GRID2: variants seen among roughly 807,000 people sequenced by gnomAD.
GRID2 encodes the protein glutamate ionotropic receptor delta type subunit 2, also known as glutamate receptor ionotropic, delta-2.
Under a neutral mutation model 114.8 loss-of-function variants are expected in GRID2, and 33 were observed. The ratio of observed to expected loss-of-function variants is 0.29; its 90% CI spans 0.22 to 0.38. The LOEUF (loss-of-function observed/expected upper bound fraction) is 0.38, where lower values mean the gene tolerates loss of function less well. GRID2 is among the 10% of genes least tolerant of loss of function. The pLI is 1.00. For synonymous variants in GRID2, 505 were observed against 449.9 expected, an observed-to-expected ratio of 1.12 and a Z score of -1.55; for missense variants, 1,184 against 1,257.7, an observed-to-expected ratio of 0.94 and a Z score of 0.89.
At chr4:92,445,677 G>A (rs966225228) in intron 1 of GRID2, among the ~76,000 whole-genome samples, 2 of 152,150 alleles carry the variant, frequency 1.3e-5, no homozygotes, top group African/African-American at 4.8e-5. Context: ...ATGGGAAGAG[G>A]TCTAAGGGAT....
At chr4:92,471,072 G>A (rs1722009725) in intron 1 of GRID2, among the ~76,000 whole-genome samples, 2 of 151,938 alleles carry the variant, frequency 1.3e-5, no homozygotes, top group South Asian at 4.1e-4. Context: ...CAATTCCAAG[G>A]AAATACATTT....
chr4:93,008,538 G>T (rs547519205), intron 2 of GRID2, among the ~76,000 whole-genome samples: 3 of 151,964 alleles, frequency 2.0e-5, no homozygotes, highest in Admixed American at 6.6e-5. Flanking sequence ...CCTGCAAGTT[G>T]TGTCTGTTTG....
intron 13 of GRID2, among the ~76,000 whole-genome samples, chr4:93,613,975 G>C (rs1429712912): frequency 1.3e-5 from 2 of 151,940 alleles, no homozygotes; most frequent in Non-Finnish European, 2.9e-5. Context: ...TTCCGTGGGC[G>C]TAGGACCCTC....
At chr4:93,407,338 A>G (rs1208661613) in intron 9 of GRID2, among the ~76,000 whole-genome samples, 1 of 152,066 alleles carries the variant, frequency 6.6e-6, no homozygotes, top group Non-Finnish European at 1.5e-5. Context: ...GGGAGGTGGG[A>G]AGATAATCAA....
rs571925247 is a variant in GRID2 at position 93,589,148 on chromosome 4, G to T, written c.2194-37121G>T. Among the ~76,000 whole-genome samples, 313 of 151,450 alleles carry T rather than the reference G, an allele frequency of 2.1e-3. 1 individual carries two copies. Among genetic ancestry groups the T allele is most frequent in the African/African-American group, 7.1e-3 (294 of 41,208 alleles). ...CGTGTGCCATGCTGGTGTGCTGCACGCACTAACTCGTCATCTAGCATTAGG... is the reference window on the plus strand; with the variant it reads ...CGTGTGCCATGCTGGTGTGCTGCACTCACTAACTCGTCATCTAGCATTAGG... On this transcript the variant is annotated intron_variant, in intron 13 of 15. Coordinates refer to ENST00000282020, the MANE Select transcript of GRID2 (RefSeq NM_001510.4).
chr4:92,609,012 A>C (rs529523442), intron 2 of GRID2, among the ~76,000 whole-genome samples: 12 of 151,872 alleles, frequency 7.9e-5, no homozygotes, highest in Non-Finnish European at 1.6e-4. Flanking sequence ...AATAACATTA[A>C]TATAGATGTA....
intron 2 of GRID2, among the ~76,000 whole-genome samples, chr4:92,911,827 A>G (rs1748406154): frequency 6.6e-6 from 1 of 151,458 alleles, no homozygotes; most frequent in Non-Finnish European, 1.5e-5. Context: ...ATGTGAATTT[A>G]GGATAAAAAC....
Position 93,316,218 on chromosome 4 carries a change from A to C in GRID2, c.1245+77728A>C, listed in dbSNP as rs548633083. ...CCCTTTTTACAGTTGTAGTAGGTCC[A>C]GCCTGGCTTGTTGCATTTCAACAAG... On this transcript the variant is annotated intron_variant, in intron 8 of 15. Transcript: ENST00000282020. 2.4e-4 allele frequency among the ~76,000 whole-genome samples: 36 copies of C among 151,798 alleles called. No homozygotes were observed. In the South Asian group the frequency reaches 3.8e-3, roughly 16 times the overall value.
chr4:92,981,724 C>T (rs577273491), intron 2 of GRID2, among the ~76,000 whole-genome samples: 1 of 151,912 alleles, frequency 6.6e-6, no homozygotes, highest in Non-Finnish European at 1.5e-5. Flanking sequence ...TCTGGAGAGA[C>T]ATGGTCTTAA....
intron 8 of GRID2, among the ~76,000 whole-genome samples, chr4:93,261,154 A>T (rs1255179610): frequency 5.4e-5 from 8 of 148,198 alleles, no homozygotes; most frequent in Non-Finnish European, 1.2e-4. Context: ...GACACATGTT[A>T]AAAAAAAACA....
At chr4:92,917,195 G>T (rs1270219807) in intron 2 of GRID2, among the ~76,000 whole-genome samples, 4 of 151,866 alleles carry the variant, frequency 2.6e-5, no homozygotes, top group Non-Finnish European at 5.9e-5. Context: ...TCGCCCACGT[G>T]GTGATGGGGT....
chr4:93,100,747 G>T (rs1364542935), intron 3 of GRID2, among the ~76,000 whole-genome samples: 1 of 151,202 alleles, frequency 6.6e-6, no homozygotes, highest in East Asian at 2.0e-4. Flanking sequence ...AAGATTAAAT[G>T]TGCCTAATCT....
intron 1 of GRID2, among the ~76,000 whole-genome samples, chr4:92,321,412 G>C (rs1726309583): frequency 6.6e-6 from 1 of 152,178 alleles, no homozygotes; most frequent in Non-Finnish European, 1.5e-5. Context: ...GGATAGAGTG[G>C]ATCCACGTAA....
At chr4:93,166,678 G>C (rs1013597660) in intron 4 of GRID2, among the ~76,000 whole-genome samples, 2 of 152,096 alleles carry the variant, frequency 1.3e-5, no homozygotes, top group Non-Finnish European at 2.9e-5. Flanking sequence ...ATAATGCAGG[G>C]ATATAATCTC....
chr4:93,035,192 G>T (rs1192061521), intron 2 of GRID2, among the ~76,000 whole-genome samples: 1 of 148,140 alleles, frequency 6.8e-6, no homozygotes, highest in Non-Finnish European at 1.5e-5. Flanking sequence ...TGCAACCTCC[G>T]CCTCCTGGGT....
At chr4:92,877,632 T>C (rs1745729669) in intron 2 of GRID2, among the ~76,000 whole-genome samples, 1 of 152,192 alleles carries the variant, frequency 6.6e-6, no homozygotes, top group African/African-American at 2.4e-5. Context: ...ACAGTCAGCA[T>C]AACCAGGCTA....
At chr4:92,953,942 A>G (rs1200145028) in intron 2 of GRID2, among the ~76,000 whole-genome samples, 2 of 152,106 alleles carry the variant, frequency 1.3e-5, no homozygotes, top group East Asian at 3.9e-4. Flanking sequence ...TTAGAATTTT[A>G]TAAAGTCTGT....
intron 2 of GRID2, among the ~76,000 whole-genome samples, chr4:92,867,984 G>A (rs983962727): frequency 4.4e-4 from 67 of 151,868 alleles, no homozygotes; most frequent in African/African-American, 1.6e-3. Flanking sequence ...AAGAGATTTT[G>A]GTGTAGGTGA....
intron 1 of GRID2, among the ~76,000 whole-genome samples, chr4:92,332,800 G>A (rs1412603998): frequency 3.3e-5 from 5 of 152,086 alleles, no homozygotes; most frequent in Non-Finnish European, 7.4e-5. Flanking sequence ...ACCCAACAAC[G>A]AAAACAAAAT....
Sources: gnomAD v4.1 joint callset for allele counts (sites outside exome capture counted in the v4.1 genomes callset) on GRCh38, gnomAD v4.1.1 for gene constraint, MANE v1.5 for transcripts, NCBI Gene and HGNC (gene_info 2026-07-23, HGNC 2026-07-21) for gene names.